Variants in ADAMTS17 observed in about 807,000 individuals in gnomAD.
ADAMTS17 encodes the protein ADAM metallopeptidase with thrombospondin type 1 motif 17.
Under a neutral mutation model 141.5 loss-of-function variants are expected in ADAMTS17, and 113 were observed. The ratio of observed to expected loss-of-function variants is 0.80; its 90% CI spans 0.69 to 0.93. ADAMTS17 has a LOEUF of 0.93. ADAMTS17 is among the 40% of genes least tolerant of loss of function. The pLI, the probability that ADAMTS17 is intolerant of heterozygous loss-of-function variation, is 0.00. For missense variants in ADAMTS17, 1,659 were observed against 1,517.9 expected (o/e 1.09, Z -1.54); for synonymous variants, 768 against 630.6 (o/e 1.22, Z -3.27).
chr15:99,980,482 A>G (rs1175951580), intron 20 of ADAMTS17: 1 of 152,274 alleles, frequency 6.6e-6, no homozygotes, highest in East Asian at 1.9e-4. Flanking sequence ...GCAGCCTCCT[A>G]TTCCTTTCTG....
In ADAMTS17 at chr15:100,341,887, C is replaced by T; in HGVS notation, c.13G>A (p.Ala5Thr). The change falls in exon 1 of 22, where the codon GCC becomes ACC. Residue 5 changes from alanine to threonine, a missense_variant. Physicochemically the swap from Ala to Thr is moderately conservative, Grantham distance 58 (BLOSUM62 0). Transcript: ENST00000268070. ...GGCAGGACGAGCGGAGGCAGCAGGG[C>T]GCCGTCACACATGGTACCCGGGACC... MCDG[A>T]LLPPLVLPVL... is the part of the protein sequence containing the mutation. 6.4e-7 allele frequency: 1 copy of T among 1,550,960 alleles called. No individual in the cohort carries two copies. The highest frequency in any genetic ancestry group is 8.7e-7 in the Non-Finnish European group (1 of 1,147,442).
intron 3 of ADAMTS17, among the ~76,000 whole-genome samples, chr15:100,314,549 C>T (rs979554370): frequency 1.3e-5 from 2 of 152,132 alleles, no homozygotes; most frequent in Admixed American, 6.5e-5. Context: ...TCAGTGAATT[C>T]GGGTGACAGA....
intron 15 of ADAMTS17, among the ~76,000 whole-genome samples, chr15:100,057,541 G>T (rs930220851): frequency 6.6e-6 from 1 of 152,080 alleles, no homozygotes; most frequent in Non-Finnish European, 1.5e-5. Flanking sequence ...CCCCAGGCTC[G>T]TCCCTGGTTT....
chr15:100,147,111 T>G (rs2038944578), intron 10 of ADAMTS17, among the ~76,000 whole-genome samples: 1 of 152,102 alleles, frequency 6.6e-6, no homozygotes, highest in Non-Finnish European at 1.5e-5. Context: ...TCCCTCCCCT[T>G]TTGAAAATCC....
At chr15:100,274,636 T>G (rs1278701351) in intron 4 of ADAMTS17, among the ~76,000 whole-genome samples, 5 of 152,210 alleles carry the variant, frequency 3.3e-5, no homozygotes, top group Non-Finnish European at 7.3e-5. Context: ...TCAATTTCTG[T>G]CTTTGATTGA....
chr15:100,189,122 C>T (rs897897942), intron 8 of ADAMTS17, among the ~76,000 whole-genome samples: 11 of 152,320 alleles, frequency 7.2e-5, no homozygotes, highest in East Asian at 1.9e-4. Context: ...GTGATGCAGA[C>T]GCTGCTGGTC....
At chr15:100,075,603 C>A (rs769158376) in intron 15 of ADAMTS17, among the ~76,000 whole-genome samples, 1 of 152,148 alleles carries the variant, frequency 6.6e-6, no homozygotes, top group Non-Finnish European at 1.5e-5. Context: ...AGAGTCTTAC[C>A]TTTAATGTCT....
At chr15:100,119,486 CA>C (rs1250737525) in intron 12 of ADAMTS17, among the ~76,000 whole-genome samples, 3 of 152,214 alleles carry the variant, frequency 2.0e-5, no homozygotes, top group African/African-American at 7.2e-5. Context: ...TGGTGAACAT[CA>C]TGTGATTAAC....
At chr15:100,283,323 T>C (rs1004973514) in intron 3 of ADAMTS17, among the ~76,000 whole-genome samples, 2 of 152,180 alleles carry the variant, frequency 1.3e-5, no homozygotes, top group African/African-American at 2.4e-5. Flanking sequence ...CCTTTGCACA[T>C]TGGCAGAAGG....
At chr15:100,124,295 T>C (rs1049928826) in intron 12 of ADAMTS17, among the ~76,000 whole-genome samples, 1 of 152,206 alleles carries the variant, frequency 6.6e-6, no homozygotes, top group Non-Finnish European at 1.5e-5. Flanking sequence ...GTGAATAAAA[T>C]AGAAGCTTAG....
intron 14 of ADAMTS17, among the ~76,000 whole-genome samples, chr15:100,104,852 T>C (rs2036320051): frequency 6.6e-6 from 1 of 152,218 alleles, no homozygotes; most frequent in African/African-American, 2.4e-5. Context: ...ATCCAGAATG[T>C]TTCATCTTGA....
At chr15:99,980,869 T>C (rs1276807124) in intron 20 of ADAMTS17, 1 of 152,212 alleles carries the variant, frequency 6.6e-6, no homozygotes, top group Non-Finnish European at 1.5e-5. Flanking sequence ...GGTCTTAGTC[T>C]TGTGCAGCCT....
chr15:100,067,347 T>C (rs890957451), intron 15 of ADAMTS17, among the ~76,000 whole-genome samples: 1 of 152,230 alleles, frequency 6.6e-6, no homozygotes, highest in Non-Finnish European at 1.5e-5. Context: ...CAGCCATCAT[T>C]CTAAGTGTCG....
At chr15:100,248,737 C>G (rs1184226373) in intron 7 of ADAMTS17, among the ~76,000 whole-genome samples, 3 of 152,246 alleles carry the variant, frequency 2.0e-5, no homozygotes, top group Middle Eastern at 6.8e-3. Flanking sequence ...CCTTCCCATT[C>G]CAGCGAAGCC....
intron 7 of ADAMTS17, among the ~76,000 whole-genome samples, chr15:100,243,894 A>C (rs537108852): frequency 6.6e-6 from 1 of 152,058 alleles, no homozygotes; most frequent in Admixed American, 6.6e-5. Flanking sequence ...TAACCCTCAC[A>C]ACAACCCTAG....
At chr15:100,010,210 T>A (rs777544132) in intron 18 of ADAMTS17, among the ~76,000 whole-genome samples, 2 of 152,230 alleles carry the variant, frequency 1.3e-5, no homozygotes, top group Non-Finnish European at 2.9e-5. Context: ...CTTTCCTTTA[T>A]AAATTGCCCA....
intron 18 of ADAMTS17, among the ~76,000 whole-genome samples, chr15:100,045,103 A>T (rs2031579482): frequency 6.6e-6 from 1 of 152,066 alleles, no homozygotes; most frequent in South Asian, 2.1e-4. Context: ...CACCATGCCC[A>T]GCCTGTTAAT....
chr15:100,294,154 T>C (rs1490181376), intron 3 of ADAMTS17, among the ~76,000 whole-genome samples: 2 of 152,202 alleles, frequency 1.3e-5, no homozygotes, highest in African/African-American at 2.4e-5. Flanking sequence ...ATGCCACTCG[T>C]CTTATTTCTA....
At chr15:100,186,736 G>C (rs971693454) in intron 8 of ADAMTS17, among the ~76,000 whole-genome samples, 1 of 152,238 alleles carries the variant, frequency 6.6e-6, no homozygotes, top group African/African-American at 2.4e-5. Flanking sequence ...CAGGAGGGCT[G>C]AGAGTTTTGC....
Sources: gnomAD v4.1 joint callset for allele counts (sites outside exome capture counted in the v4.1 genomes callset) on GRCh38, gnomAD v4.1.1 for gene constraint, MANE v1.5 for transcripts, NCBI Gene and HGNC (gene_info 2026-07-23, HGNC 2026-07-21) for gene names.